The following INTS4 variants were observed in gnomAD, a reference collection of about 807,000 sequenced individuals.
INTS4 encodes the protein integrator complex subunit 4.
INTS4 carries 70 observed loss-of-function variants against 119.5 expected under a neutral mutation model. That is an observed-to-expected ratio of 0.59 (90% CI 0.48 to 0.71). The LOEUF (loss-of-function observed/expected upper bound fraction) is 0.71, where lower values mean the gene tolerates loss of function less well. Among genes scored for constraint, INTS4 ranks in the 30% least tolerant of loss-of-function variants. The pLI is 0.00. For synonymous variants in INTS4, 316 were observed against 419.6 expected, an observed-to-expected ratio of 0.75 and a Z score of 3.02; for missense variants, 867 against 1,173.2, an observed-to-expected ratio of 0.74 and a Z score of 3.81.
At chr11:77,883,525 T>G (rs1951873607) in intron 22 of INTS4, among the ~76,000 whole-genome samples, 1 of 152,158 alleles carries the variant, frequency 6.6e-6, no homozygotes, top group African/African-American at 2.4e-5. Context: ...TCGGTGGCAG[T>G]TAGGATAAGA....
Position 77,922,377 on chromosome 11 carries a change from G to A in INTS4, c.1609C>T (p.Pro537Ser). The part of the protein sequence containing the change: ...STHPFFDTAE[P>S]DMDDPAYIAV... ...ATACAAGCTGGATCATCCATGTCTG[G>A]TTCAGCTGTGTCAAAAAATGGGTGG... is the stretch of plus-strand genomic sequence containing the variant. The change falls in exon 13 of 23, where the codon CCA becomes TCA. Residue 537 changes from proline to serine, a missense_variant. By Grantham distance (74) the Pro-to-Ser change is moderately conservative (BLOSUM62 -1). Around this residue, in one of 5 missense-constraint regions of INTS4, gnomAD observed 51 missense variants for 125.5 expected, o/e 0.41. Coordinates refer to ENST00000534064, the MANE Select transcript of INTS4 (RefSeq NM_033547.4). 1.4e-6 allele frequency: 2 copies of A among 1,464,936 alleles called. No homozygotes were observed. The highest frequency in any genetic ancestry group is 1.8e-6 in the Non-Finnish European group (2 of 1,106,656). 90.7% of individuals were successfully genotyped at this position (1,464,936 alleles called of 1,614,324 possible).
In INTS4 at chr11:77,878,844, C is replaced by T; in HGVS notation, c.*105G>A. 1.2e-6 allele frequency: 1 copy of T among 829,672 alleles called. No individual in the cohort carries two copies. Among genetic ancestry groups the T allele is most frequent in the South Asian group, 1.4e-5 (1 of 71,568 alleles). 51.4% of individuals were successfully genotyped at this position (829,672 alleles called of 1,614,324 possible). Reference sequence around the variant, plus strand: ...CAGATGAGACTGTAAGGGTCACATACTCCTTAAGCCTACACATCAATTCCA... The same window carrying T: ...CAGATGAGACTGTAAGGGTCACATATTCCTTAAGCCTACACATCAATTCCA... On this transcript the variant is annotated 3_prime_UTR_variant, in exon 23 of 23. Transcript: ENST00000534064.
At chr11:77,965,841 C>T (rs555222799) in intron 4 of INTS4, among the ~76,000 whole-genome samples, 2 of 152,292 alleles carry the variant, frequency 1.3e-5, no homozygotes, top group Non-Finnish European at 2.9e-5. Context: ...GACATATACC[C>T]GGAAGTGGGA....
At chr11:77,955,077 A>G (rs929919072) in intron 8 of INTS4, among the ~76,000 whole-genome samples, 4 of 152,026 alleles carry the variant, frequency 2.6e-5, no homozygotes, top group Non-Finnish European at 5.9e-5. Flanking sequence ...TAGTGGCTTA[A>G]ACCTGTAATC....
chr11:77,928,623 A>G, intron 10 of INTS4, 76 bp from the exon 11 acceptor site: 1 of 1,525,796 alleles, frequency 6.6e-7, no homozygotes, highest in Non-Finnish European at 8.8e-7. Context: ...GCACTTTGGG[A>G]GGCCAAGGGA....
intron 11 of INTS4, among the ~76,000 whole-genome samples, chr11:77,926,003 T>G (rs1464023487): frequency 6.6e-6 from 1 of 152,264 alleles, no homozygotes; most frequent in Non-Finnish European, 1.5e-5. Context: ...ACTGTTTATC[T>G]TCTGCAAAAC....
intron 16 of INTS4, among the ~76,000 whole-genome samples, 187 bp from the exon 17 acceptor site, chr11:77,903,807 T>A (rs1316713935): frequency 6.6e-6 from 1 of 152,220 alleles, no homozygotes; most frequent in East Asian, 1.9e-4. Context: ...TTGGGCTAAA[T>A]GAATTCCCAC....
chr11:77,934,356 C>T (rs1201456404), intron 10 of INTS4, among the ~76,000 whole-genome samples: 1 of 151,132 alleles, frequency 6.6e-6, no homozygotes, highest in African/African-American at 2.4e-5. Context: ...TGCCAAATCC[C>T]CCTCTCTGAG....
At chr11:77,976,278 T>C (rs980077519) in intron 4 of INTS4, among the ~76,000 whole-genome samples, 4 of 152,110 alleles carry the variant, frequency 2.6e-5, no homozygotes, top group South Asian at 4.1e-4. Context: ...GGAAAGCAAT[T>C]TGACAAAAAG....
At chr11:77,947,605 T>G (rs1310203622) in intron 8 of INTS4, among the ~76,000 whole-genome samples, 2 of 152,030 alleles carry the variant, frequency 1.3e-5, no homozygotes, top group Admixed American at 6.5e-5. Flanking sequence ...ATCAAACAGA[T>G]CAAACCCCAG....
At chr11:77,989,707 T>C (rs895916485) in intron 2 of INTS4, among the ~76,000 whole-genome samples, 8 of 134,008 alleles carry the variant, frequency 6.0e-5, no homozygotes, top group African/African-American at 8.5e-5. Context: ...CTGTGCAACA[T>C]AGCAAAGCCC....
chr11:77,903,101 C>T (rs1416688624), intron 17 of INTS4, among the ~76,000 whole-genome samples: 1 of 152,148 alleles, frequency 6.6e-6, no homozygotes, highest in East Asian at 1.9e-4. Flanking sequence ...GAGAAAAAAT[C>T]CAGGGAATTT....
At chr11:77,950,816 T>C (rs1954172852) in intron 8 of INTS4, among the ~76,000 whole-genome samples, 1 of 151,980 alleles carries the variant, frequency 6.6e-6, no homozygotes, top group African/African-American at 2.4e-5. Context: ...TGGTGTGCTG[T>C]ACCCATCAAC....
chr11:77,926,535 C>A (rs1354683304), intron 11 of INTS4, among the ~76,000 whole-genome samples: 1 of 152,030 alleles, frequency 6.6e-6, no homozygotes, highest in African/African-American at 2.4e-5. Flanking sequence ...CAGCCGGGCA[C>A]GGTGGCTCAC....
At chr11:77,932,351 A>T (rs186604056) in intron 10 of INTS4, among the ~76,000 whole-genome samples, 37 of 152,352 alleles carry the variant, frequency 2.4e-4, no homozygotes, top group Non-Finnish European at 3.8e-4. Context: ...CAAACATATT[A>T]AAAAAAGCTC....
chr11:77,953,896 C>A (rs893122041), intron 8 of INTS4, among the ~76,000 whole-genome samples: 1 of 149,606 alleles, frequency 6.7e-6, no homozygotes, highest in African/African-American at 2.5e-5. Flanking sequence ...CCCGGGTAAC[C>A]TCTGCCTCCC....
At chr11:77,884,826 C>A in intron 21 of INTS4, 1 of 406,584 alleles carries the variant, frequency 2.5e-6, no homozygotes, top group South Asian at 1.8e-5. Context: ...ACGATCATAA[C>A]TCACTGAAGC....
At chr11:77,927,058 C>T (rs1443048571) in intron 11 of INTS4, among the ~76,000 whole-genome samples, 2 of 151,992 alleles carry the variant, frequency 1.3e-5, no homozygotes, top group Non-Finnish European at 2.9e-5. Flanking sequence ...AATAAGTGGA[C>T]GTCTCCTGGG....
chr11:77,974,589 T>G (rs1011539450), intron 4 of INTS4, among the ~76,000 whole-genome samples: 2 of 148,244 alleles, frequency 1.3e-5, no homozygotes, highest in African/African-American at 5.0e-5. Context: ...TTCTGCCAGG[T>G]CTGTAATCAT....
Sources: gnomAD v4.1 joint callset for allele counts (sites outside exome capture counted in the v4.1 genomes callset) on GRCh38, gnomAD v4.1.1 for gene constraint, gnomAD v4.1.1 regional missense constraint, MANE v1.5 for transcripts, NCBI Gene and HGNC (gene_info 2026-07-23, HGNC 2026-07-21) for gene names.